The following NFYC variants were observed in gnomAD, a reference collection of about 807,000 sequenced individuals.
The protein encoded by NFYC is nuclear transcription factor Y subunit gamma.
In NFYC, 25 loss-of-function variants were observed where a neutral mutation model predicts 53.1. The ratio of observed to expected loss-of-function variants is 0.47; its 90% CI spans 0.34 to 0.66. NFYC has a LOEUF of 0.66. Ranked by LOEUF, NFYC falls within the 30% of genes least tolerant of loss-of-function variation. The probability of loss-of-function intolerance (pLI) is 0.01; values close to 1 mark genes in which losing one functional copy is unlikely to be tolerated. For missense variants in NFYC, 260 were observed against 422.7 expected, an observed-to-expected ratio of 0.62 and a Z score of 3.38; for synonymous variants, 145 against 152.6, an observed-to-expected ratio of 0.95 and a Z score of 0.37.
chr1:40,735,319 T>C (rs1211338638), intron 1 of NFYC: 1 of 152,256 alleles, frequency 6.6e-6, no homozygotes, highest in East Asian at 1.9e-4. Flanking sequence ...TAACCTTTAA[T>C]ACATTTTCAG....
intron 1 of NFYC, among the ~76,000 whole-genome samples, chr1:40,713,032 T>TA (rs1231857614): frequency 2.6e-5 from 4 of 151,288 alleles, no homozygotes; most frequent in South Asian, 4.2e-4. Flanking sequence ...ATGAACACTT[T>TA]AAAAAAAAAT....
chr1:40,754,554 G>T (rs951828510), intron 5 of NFYC: 1 of 398,666 alleles, frequency 2.5e-6, no homozygotes, highest in Non-Finnish European at 5.2e-6. Context: ...GTCACAACAA[G>T]AACTCAGGCC....
chr1:40,771,191 T>G lies in NFYC; in HGVS notation c.*363T>G. The G allele has an allele frequency of 3.2e-6, 1 of 314,338 alleles. No individual in the cohort carries two copies. The highest frequency in any genetic ancestry group is 3.3e-5 in the South Asian group (1 of 30,518). 19.5% of individuals were successfully genotyped at this position (314,338 alleles called of 1,614,324 possible). On this transcript the variant is annotated 3_prime_UTR_variant, in exon 10 of 10. Transcript: ENST00000447388. The stretch of plus-strand genomic sequence containing the variant: ...TTTTTTTTTTGTTTGTTACTGCCAC[T>G]TCTTTTTAGGAGCAAATCTCCCCAG...
At chr1:40,728,502 A>G (rs1451650914) in intron 1 of NFYC, among the ~76,000 whole-genome samples, 3 of 151,484 alleles carry the variant, frequency 2.0e-5, no homozygotes, top group Non-Finnish European at 2.9e-5. Context: ...GAGGCTGGGC[A>G]TGAGAATCGC....
At chr1:40,734,933 A>T (rs1644947740) in intron 1 of NFYC, 1 of 152,232 alleles carries the variant, frequency 6.6e-6, no homozygotes. Context: ...ATTTATAAAA[A>T]GAGTTTGCTG....
At position 40,770,175 on chromosome 1, in the gene NFYC, C is replaced by G. The variant is rs1338675850; in HGVS notation, c.889-534C>G. ...AGTATCTTCTCCACCCCTGGAGCGT[C>G]TTGGCTATAGTTAAGTGTTTAATAC... On this transcript the variant is annotated intron_variant, in intron 9 of 9. Coordinates refer to ENST00000447388, the MANE Select transcript of NFYC (RefSeq NM_014223.5). This position sits in a 1 kb window ranked among gnomAD's most constrained non-coding sequence, Gnocchi z 5.3. 5 of 569,600 alleles carry G rather than the reference C, an allele frequency of 8.8e-6. No individual in the cohort carries two copies. In the East Asian group the frequency reaches 1.4e-4, roughly 16 times the overall value. The allele number at this position is 569,600 out of a possible 1,614,324, so 35.3% of individuals were successfully genotyped here.
chr1:40,733,919 G>A (rs1207813733), intron 1 of NFYC, among the ~76,000 whole-genome samples: 2 of 152,016 alleles, frequency 1.3e-5, no homozygotes, highest in African/African-American at 4.8e-5. Flanking sequence ...AATGTATTTT[G>A]TGTTTTTAGT....
intron 1 of NFYC, among the ~76,000 whole-genome samples, chr1:40,713,434 A>G (rs112346759): frequency 4.6e-5 from 7 of 152,346 alleles, no homozygotes; most frequent in African/African-American, 1.2e-4. Context: ...TTTTGTTTTT[A>G]AAACAAGATG....
rs1307201248 is a variant in NFYC, at chr1:40,763,061, G to A, written c.720+15G>A. ...AGCAGATCCCGGTGAGTCCTGCCCT[G>A]AGGTCTGTCTTTACAACTTTATAGA... On this transcript the variant is annotated intron_variant, in intron 7 of 9. Transcript: ENST00000447388. 6.4e-7 allele frequency: 1 copy of A among 1,564,438 alleles called. No homozygotes were observed. Among genetic ancestry groups the A allele is most frequent in the African/African-American group, 1.4e-5 (1 of 72,960 alleles).
intron 5 of NFYC, among the ~76,000 whole-genome samples, chr1:40,756,448 G>A (rs1328575728): frequency 6.6e-6 from 1 of 152,178 alleles, no homozygotes; most frequent in Non-Finnish European, 1.5e-5. Flanking sequence ...TAGAAACCCA[G>A]AATGTTACAG....
chr1:40,734,600 A>T (rs1013877588), intron 1 of NFYC, among the ~76,000 whole-genome samples: 2 of 152,104 alleles, frequency 1.3e-5, no homozygotes, highest in Admixed American at 1.3e-4. Context: ...ACCTCAGGTG[A>T]TCCACCCGCC....
chr1:40,764,263 A>T (rs1484044270), intron 7 of NFYC, among the ~76,000 whole-genome samples: 1 of 152,230 alleles, frequency 6.6e-6, no homozygotes, highest in Non-Finnish European at 1.5e-5. Context: ...AGACTTGGTT[A>T]ACCACTTCCT....
chr1:40,723,273 C>T (rs1267157835), intron 1 of NFYC: 3 of 152,158 alleles, frequency 2.0e-5, no homozygotes, highest in Admixed American at 6.5e-5. Flanking sequence ...AGAAGGCACC[C>T]GGTAAGAAAA....
At chr1:40,757,965 C>A in intron 5 of NFYC, 156 bp from the exon 6 acceptor site, 1 of 730,142 alleles carries the variant, frequency 1.4e-6, no homozygotes. Flanking sequence ...CATAACTGGT[C>A]TCTTTGAATT....
chr1:40,692,579 G>A (rs1331492312), intron 1 of NFYC, among the ~76,000 whole-genome samples: 1 of 152,152 alleles, frequency 6.6e-6, no homozygotes, highest in Non-Finnish European at 1.5e-5. Flanking sequence ...TATGGTGTAG[G>A]AAGAAAGGCA....
intron 1 of NFYC, among the ~76,000 whole-genome samples, chr1:40,703,915 GA>G (rs948785547): frequency 6.6e-6 from 1 of 152,164 alleles, no homozygotes; most frequent in Non-Finnish European, 1.5e-5. Context: ...AGTGAGCTCA[GA>G]AATGGTTAAG....
chr1:40,705,898 A>G (rs1643670988), intron 1 of NFYC, among the ~76,000 whole-genome samples: 1 of 152,076 alleles, frequency 6.6e-6, no homozygotes, highest in Non-Finnish European at 1.5e-5. Flanking sequence ...GGCGTGTGCC[A>G]CCACACCTAG....
At chr1:40,754,321 G>A in intron 5 of NFYC, 1 of 534,440 alleles carries the variant, frequency 1.9e-6, no homozygotes, top group South Asian at 1.4e-5. Context: ...CCTTACTAGA[G>A]TAGGGTGTGC....
chr1:40,724,117 C>T (rs1482722959), intron 1 of NFYC, among the ~76,000 whole-genome samples: 3 of 152,148 alleles, frequency 2.0e-5, no homozygotes, highest in Non-Finnish European at 4.4e-5. Flanking sequence ...CGCCTGTAAT[C>T]CCAGCGTTTT....
Sources: gnomAD v4.1 joint callset for allele counts (sites outside exome capture counted in the v4.1 genomes callset) on GRCh38, gnomAD v4.1.1 for gene constraint, Gnocchi (gnomAD v3.1) non-coding constraint, MANE v1.5 for transcripts, NCBI Gene and HGNC (gene_info 2026-07-23, HGNC 2026-07-21) for gene names.